The following CHST8 variants were observed in gnomAD, a reference collection of about 807,000 sequenced individuals.
The protein encoded by CHST8 is carbohydrate sulfotransferase 8.
A neutral mutation model predicts 15.0 loss-of-function variants in CHST8; 10 were observed. The observed-to-expected ratio is 0.67, with a 90% CI of 0.41 to 1.13. The LOEUF is 1.13. CHST8 is among the 50% of genes most tolerant of loss of function. The pLI is 0.00. For synonymous variants in CHST8, 259 were observed against 256.6 expected, an observed-to-expected ratio of 1.01 and a Z score of -0.09; for missense variants, 634 against 608.2, an observed-to-expected ratio of 1.04 and a Z score of -0.45.
intron 3 of CHST8, among the ~76,000 whole-genome samples, chr19:33,701,717 C>A (rs1452352088): frequency 1.3e-5 from 2 of 152,240 alleles, no homozygotes; most frequent in Admixed American, 1.3e-4. Flanking sequence ...TGTAATCAAG[C>A]TTCAATGTGC....
chr19:33,700,674 T>A (rs985496623), intron 3 of CHST8, among the ~76,000 whole-genome samples: 2 of 152,108 alleles, frequency 1.3e-5, no homozygotes, highest in Non-Finnish European at 2.9e-5. Flanking sequence ...CAGAATGTCT[T>A]CGTGGGGGTT....
In CHST8 at chr19:33,757,422, GAA is replaced by G. The variant is rs1332126238; in HGVS notation, c.131-13989_131-13988del. 5.8e-3 allele frequency among the ~76,000 whole-genome samples: 92 copies of G among 15,912 alleles called. 10 individuals carry two copies. Among genetic ancestry groups the G allele is most frequent in the African/African-American group, 0.02 (76 of 3,896 alleles). The allele number at this position is 15,912 out of a possible 152,430, so 10.4% of individuals were successfully genotyped here. On this transcript the variant is annotated intron_variant, in intron 3 of 4. Transcript: ENST00000650847. ...AGAAAGAAAGAAAGAAAGAAAGAAA[GAA>G]AGAAAGAAAGAAAGAAAGAAAGAAA...
At chr19:33,672,254 G>A (rs139506692) in intron 2 of CHST8, among the ~76,000 whole-genome samples, 2,056 of 152,158 alleles carry the variant, frequency 0.014, 32 homozygotes, top group African/African-American at 0.046. Context: ...CTGGAGTGCA[G>A]TAGTGCAATC....
At chr19:33,688,744 G>C (rs904941775) in intron 2 of CHST8, among the ~76,000 whole-genome samples, 1 of 152,142 alleles carries the variant, frequency 6.6e-6, no homozygotes, top group Non-Finnish European at 1.5e-5. Context: ...ACATCCAAGA[G>C]CTTCTCTGCC....
chr19:33,684,725 A>C (rs1212172487), intron 2 of CHST8: 1 of 146,862 alleles, frequency 6.8e-6, no homozygotes, highest in Non-Finnish European at 1.5e-5. Flanking sequence ...GCTCCCACCG[A>C]TCGATCGGCG....
intron 1 of CHST8, among the ~76,000 whole-genome samples, chr19:33,645,255 A>G (rs62102236): frequency 0.21 from 32,495 of 152,144 alleles, 3,830 homozygotes; most frequent in Middle Eastern, 0.3. Context: ...GGGGACAGAG[A>G]TGTGGGCCCT....
chr19:33,768,407 TCTAA>T (rs1404021472), intron 3 of CHST8, among the ~76,000 whole-genome samples: 2 of 152,166 alleles, frequency 1.3e-5, no homozygotes, highest in Non-Finnish European at 2.9e-5. Flanking sequence ...AGACCCCATC[TCTAA>T]CTATTTCTAA....
intron 1 of CHST8, among the ~76,000 whole-genome samples, chr19:33,628,529 A>G (rs1220021028): frequency 1.3e-5 from 2 of 152,106 alleles, no homozygotes; most frequent in African/African-American, 4.8e-5. Flanking sequence ...CCTAATGTGC[A>G]ATGGAGTCTG....
At chr19:33,754,666 G>A (rs972139296) in intron 3 of CHST8, among the ~76,000 whole-genome samples, 5 of 152,322 alleles carry the variant, frequency 3.3e-5, no homozygotes, top group East Asian at 1.9e-4. Flanking sequence ...CTGCATGCCC[G>A]CTCCAGCCTC....
chr19:33,680,533 G>A (rs1222379388), intron 2 of CHST8, among the ~76,000 whole-genome samples: 1 of 152,204 alleles, frequency 6.6e-6, no homozygotes, highest in Non-Finnish European at 1.5e-5. Context: ...AATTGAGCAT[G>A]CAAATACTCT....
At chr19:33,748,637 C>T (rs564026961) in intron 3 of CHST8, among the ~76,000 whole-genome samples, 1 of 152,298 alleles carries the variant, frequency 6.6e-6, no homozygotes, top group Non-Finnish European at 1.5e-5. Context: ...TTCAGCAAGC[C>T]CACAGGCCCG....
rs181242466 is a variant in CHST8, at chr19:33,679,149, G to A, written c.-86-10027G>A. ...CCTGCCAGGGGCCAGGGCATTTCAG[G>A]TTTACTCACAGACTCCTCTCTGTCC... On this transcript the variant is annotated intron_variant, in intron 2 of 4. Transcript: ENST00000650847. Among the ~76,000 whole-genome samples, 396 of 152,312 alleles carry A rather than the reference G, an allele frequency of 2.6e-3. 3 individuals are homozygous for A. The highest frequency in any genetic ancestry group is 0.01 in the South Asian group (49 of 4,822).
chr19:33,643,788 A>G (rs903494679), intron 1 of CHST8, among the ~76,000 whole-genome samples: 2 of 152,128 alleles, frequency 1.3e-5, no homozygotes, highest in Non-Finnish European at 2.9e-5. Flanking sequence ...CATTTTTATT[A>G]TTTTGGATGT....
At chr19:33,719,008 A>G (rs1973724631) in intron 3 of CHST8, among the ~76,000 whole-genome samples, 1 of 151,928 alleles carries the variant, frequency 6.6e-6, no homozygotes, top group African/African-American at 2.4e-5. Flanking sequence ...TCTTCACTCC[A>G]GGGCTTCCAC....
At chr19:33,726,936 C>G (rs1446085883) in intron 3 of CHST8, among the ~76,000 whole-genome samples, 2 of 151,752 alleles carry the variant, frequency 1.3e-5, no homozygotes, top group Non-Finnish European at 2.9e-5. Context: ...GTGCTCCCCT[C>G]CCAGCTCCTG....
intron 3 of CHST8, among the ~76,000 whole-genome samples, chr19:33,726,715 C>T (rs1021682146): frequency 6.6e-6 from 1 of 152,006 alleles, no homozygotes; most frequent in Non-Finnish European, 1.5e-5. Flanking sequence ...CCAGACATGG[C>T]GAGGACAGGT....
chr19:33,762,914 T>C (rs530119871), intron 3 of CHST8, among the ~76,000 whole-genome samples: 2 of 149,794 alleles, frequency 1.3e-5, no homozygotes, highest in African/African-American at 2.5e-5. Context: ...CAGGCTGGAG[T>C]GCAGTGGCAC....
intron 3 of CHST8, among the ~76,000 whole-genome samples, chr19:33,742,315 G>A (rs1251480537): frequency 1.3e-5 from 2 of 152,144 alleles, no homozygotes; most frequent in Non-Finnish European, 2.9e-5. Context: ...TAAAAGAAAC[G>A]AGGCTTATTT....
intron 3 of CHST8, among the ~76,000 whole-genome samples, chr19:33,757,510 GAAAGAAAGAAAGA>G (rs1974607040): frequency 2.0e-5 from 1 of 48,978 alleles, no homozygotes; most frequent in African/African-American, 9.3e-5. Context: ...AAGAAAGAAA[GAAAGAAAGAAAGA>G]GAAAGAAAGA....
Sources: allele counts gnomAD v4.1 joint callset (sites outside exome capture counted in the v4.1 genomes callset), GRCh38; gene constraint gnomAD v4.1.1; transcripts MANE v1.5; gene names NCBI Gene and HGNC (gene_info 2026-07-23, HGNC 2026-07-21).